Variants in MET observed in about 807,000 individuals in gnomAD.
The protein encoded by MET is MET proto-oncogene, receptor tyrosine kinase.
MET carries 48 observed loss-of-function variants against 133.1 expected under a neutral mutation model. That is an observed-to-expected ratio of 0.36 (90% CI 0.29 to 0.46). MET has a LOEUF of 0.46. Ranked by LOEUF, MET falls within the 20% of genes least tolerant of loss-of-function variation. The probability of loss-of-function intolerance (pLI) is 1.00; values close to 1 mark genes in which losing one functional copy is unlikely to be tolerated. For missense variants in MET, 1,442 were observed against 1,695.9 expected (o/e 0.85, Z 2.63); for synonymous variants, 628 against 616.5 (o/e 1.02, Z -0.28).
At chr7:116,716,478 A>AAAGAAAGAAAGAAAGAAAGG in intron 2 of MET, among the ~76,000 whole-genome samples, 1 of 104,870 alleles carries the variant, frequency 9.5e-6, no homozygotes, top group African/African-American at 4.1e-5. Flanking sequence ...AGAAAGAAAG[A>AAAGAAAGAAAGAAAGAAAGG]AAGAAAGAAA....
intron 1 of MET, among the ~76,000 whole-genome samples, chr7:116,683,195 T>C (rs1796425735): frequency 6.6e-6 from 1 of 152,364 alleles, no homozygotes; most frequent in Middle Eastern, 3.4e-3. Flanking sequence ...TAGTTATCTT[T>C]TCTGCTCCTC....
At chr7:116,698,004 T>C (rs956893669) in intron 1 of MET, among the ~76,000 whole-genome samples, 6 of 152,190 alleles carry the variant, frequency 3.9e-5, no homozygotes, top group Non-Finnish European at 8.8e-5. Context: ...TTTTTGTAGA[T>C]CCAGGGTTAG....
At chr7:116,724,598 C>T (rs1233988990) in intron 2 of MET, among the ~76,000 whole-genome samples, 2 of 152,134 alleles carry the variant, frequency 1.3e-5, no homozygotes, top group Non-Finnish European at 2.9e-5. Context: ...TGATTGTTTA[C>T]TCATTTGGTC....
chr7:116,742,861 T>A (rs564290425), intron 5 of MET, among the ~76,000 whole-genome samples: 2 of 152,194 alleles, frequency 1.3e-5, no homozygotes, highest in South Asian at 4.1e-4. Context: ...GGTTCATAGT[T>A]GTTAGGAAGA....
chr7:116,716,732 C>T (rs1038640033), intron 2 of MET, among the ~76,000 whole-genome samples: 6 of 152,190 alleles, frequency 3.9e-5, no homozygotes, highest in African/African-American at 9.7e-5. Context: ...GGCTGGTCCT[C>T]GGAAGAGATG....
At chr7:116,733,671 C>T (rs1263686802) in intron 3 of MET, among the ~76,000 whole-genome samples, 1 of 151,906 alleles carries the variant, frequency 6.6e-6, no homozygotes, top group Non-Finnish European at 1.5e-5. Flanking sequence ...GCATCCAAAA[C>T]AAAAGGTAAA....
intron 1 of MET, among the ~76,000 whole-genome samples, chr7:116,676,654 A>G (rs751423676): frequency 9.2e-5 from 14 of 152,334 alleles, no homozygotes; most frequent in Non-Finnish European, 1.9e-4. Flanking sequence ...GAAAAACTCA[A>G]TAGTGAGGTC....
intron 5 of MET, among the ~76,000 whole-genome samples, chr7:116,754,923 GAAAGAAAGAAAGAAAGAA>G (rs1293629156): frequency 7.0e-6 from 1 of 142,276 alleles, no homozygotes; most frequent in African/African-American, 2.6e-5. Flanking sequence ...AAGAAAGAAA[GAAAGAAAGAAAGAAAGAA>G]AGAAAGAAAG....
At chr7:116,743,649 G>A (rs546959941) in intron 5 of MET, among the ~76,000 whole-genome samples, 1 of 152,322 alleles carries the variant, frequency 6.6e-6, no homozygotes, top group Admixed American at 6.5e-5. Context: ...GCTCTGAAGA[G>A]AGCAGCAAAT....
intron 1 of MET, among the ~76,000 whole-genome samples, chr7:116,680,054 T>C (rs1796292631): frequency 6.6e-6 from 1 of 151,702 alleles, no homozygotes; most frequent in South Asian, 2.1e-4. Context: ...TTTGGGGTGA[T>C]GGAATTGGCA....
intron 2 of MET, among the ~76,000 whole-genome samples, chr7:116,729,587 C>G (rs1343460085): frequency 1.3e-5 from 2 of 152,152 alleles, no homozygotes; most frequent in Non-Finnish European, 2.9e-5. Context: ...ACTTCCTAAT[C>G]ATTTTCCTAC....
chr7:116,713,222 C>T lies in MET; in HGVS notation c.1200+12938C>T, dbSNP rs188202245. 7.1e-3 allele frequency among the ~76,000 whole-genome samples: 1,086 copies of T among 152,064 alleles called. 35 individuals are homozygous for T. Among genetic ancestry groups the T allele is most frequent in the Admixed American group, 0.057 (865 of 15,274 alleles). ...CATCCCGGCTAAAACGGTGAAACCC[C>T]GTCTCTACTAAAAATACAAAAAATT... On this transcript the variant is annotated intron_variant, in intron 2 of 20. Transcript: ENST00000397752.
At chr7:116,732,518 T>C (rs1020319819) in intron 3 of MET, among the ~76,000 whole-genome samples, 1 of 152,234 alleles carries the variant, frequency 6.6e-6, no homozygotes, top group African/African-American at 2.4e-5. Flanking sequence ...TAAAAGACTC[T>C]CTTGTTGGGT....
chr7:116,752,669 A>T (rs1199417696), intron 5 of MET, among the ~76,000 whole-genome samples: 1 of 152,232 alleles, frequency 6.6e-6, no homozygotes, highest in Middle Eastern at 3.2e-3. Flanking sequence ...CAGAGGGCTT[A>T]TAATATCTCT....
intron 4 of MET, 177 bp downstream of exon 4, chr7:116,740,261 A>C (rs1793393794): frequency 1.3e-6 from 1 of 764,470 alleles, no homozygotes; most frequent in Non-Finnish European, 2.2e-6. Flanking sequence ...TTGTTCTCCA[A>C]GAAAGACTAG....
At position 116,699,835 on chromosome 7, in the gene MET, C is replaced by G. The variant is rs2116596898; in HGVS notation, c.751C>G (p.His251Asp). The G allele has an allele frequency of 6.2e-7, 1 of 1,614,080 alleles. No individual in the cohort carries two copies. Among genetic ancestry groups the G allele is most frequent in the Non-Finnish European group, 8.5e-7 (1 of 1,179,964 alleles). The part of the protein sequence containing the change: ...FRDSYPIKYV[H>D]AFESNNFIYF... ...AGATTCTTACCCCATTAAGTATGTC[C>G]ATGCCTTTGAAAGCAACAATTTTAT... The change falls in exon 2 of 21, where the codon CAT (histidine) becomes GAT (aspartate). Residue 251 changes from histidine to aspartate, a missense_variant. Physicochemically the swap from His to Asp is moderately conservative, Grantham distance 81 (BLOSUM62 -1). Around this residue, in one of 6 missense-constraint regions of MET, gnomAD observed 762 missense variants for 792.4 expected, o/e 0.96. Transcript: ENST00000397752.
chr7:116,709,669 G>A (rs1791924392), intron 2 of MET, among the ~76,000 whole-genome samples: 1 of 152,066 alleles, frequency 6.6e-6, no homozygotes, highest in Admixed American at 6.6e-5. Flanking sequence ...CTTCCTGAAG[G>A]CTGTAATTAC....
chr7:116,759,485 A>G lies in MET; in HGVS notation c.2359A>G (p.Thr787Ala), dbSNP rs1180556775. The G allele has an allele frequency of 1.2e-6, 2 of 1,613,016 alleles. No homozygotes were observed. Among genetic ancestry groups the G allele is most frequent in the Middle Eastern group, 3.3e-4 (2 of 6,076 alleles). ...INVHEAGRNFTVACQHRSNSE... is the reference protein window; with the variant it reads ...INVHEAGRNFAVACQHRSNSE... ...TGTGCATGAAGCAGGAAGGAACTTT[A>G]CAGTGGTAAGTCCTTTGAGCAATGG... The change falls in exon 10 of 21, where the codon ACA becomes GCA. Residue 787 changes from threonine (T) to alanine (A), a missense_variant. By Grantham distance (58) the Thr-to-Ala change is moderately conservative. This residue lies in a region of MET where 514 missense variants were observed against 659.6 expected (regional missense o/e 0.78). Coordinates refer to ENST00000397752, the MANE Select transcript of MET (RefSeq NM_000245.4).
At chr7:116,701,929 A>G (rs986687913) in intron 2 of MET, among the ~76,000 whole-genome samples, 6 of 152,200 alleles carry the variant, frequency 3.9e-5, no homozygotes, top group Non-Finnish European at 8.8e-5. Flanking sequence ...AAAATTAAAA[A>G]GAAGGGTAGG....
Sources: allele counts gnomAD v4.1 joint callset (sites outside exome capture counted in the v4.1 genomes callset), GRCh38; gene constraint gnomAD v4.1.1; regional missense constraint gnomAD v4.1.1; transcripts MANE v1.5; gene names NCBI Gene and HGNC (gene_info 2026-07-23, HGNC 2026-07-21).